The following PTPRD variants were observed in gnomAD, a reference collection of about 807,000 sequenced individuals.
The protein encoded by PTPRD is protein tyrosine phosphatase receptor type D.
In PTPRD, 34 loss-of-function variants were observed where a neutral mutation model predicts 214.5. The observed-to-expected ratio is 0.16, with a 90% confidence interval of 0.12 to 0.21. PTPRD has a LOEUF of 0.21. Ranked by LOEUF, PTPRD falls within the 10% of genes least tolerant of loss-of-function variation. The pLI is 1.00. For missense variants in PTPRD, 2,545 were observed against 2,398.7 expected (o/e 1.06, Z -1.27); for synonymous variants, 1,128 against 845.7 (o/e 1.33, Z -5.79).
At chr9:9,376,432 A>G (rs2060821919) in intron 9 of PTPRD, among the ~76,000 whole-genome samples, 1 of 152,132 alleles carries the variant, frequency 6.6e-6, no homozygotes, top group African/African-American at 2.4e-5. Context: ...TACAACATGC[A>G]TGCAATTATT....
At chr9:9,747,896 C>A (rs573141487) in intron 6 of PTPRD, among the ~76,000 whole-genome samples, 1 of 152,092 alleles carries the variant, frequency 6.6e-6, no homozygotes, top group African/African-American at 2.4e-5. Context: ...GCAGTATGGC[C>A]GGAATGTTTC....
At chr9:10,338,061 A>G (rs1323494) in intron 3 of PTPRD, among the ~76,000 whole-genome samples, 150,135 of 151,654 alleles carry the variant, frequency 0.99, 74,326 homozygotes, top group East Asian at 1. Flanking sequence ...AAGTTTATTC[A>G]TATCATATGA....
chr9:9,315,035 T>C (rs1273820141), intron 9 of PTPRD, among the ~76,000 whole-genome samples: 1 of 152,054 alleles, frequency 6.6e-6, no homozygotes, highest in African/African-American at 2.4e-5. Context: ...ACCTAGATTT[T>C]ATTTATTTTT....
intron 2 of PTPRD, among the ~76,000 whole-genome samples, chr9:10,457,759 T>G (rs960693420): frequency 6.6e-6 from 1 of 152,094 alleles, no homozygotes; most frequent in Non-Finnish European, 1.5e-5. Context: ...TGTCAGTCAA[T>G]AGAAATGTTG....
chr9:10,278,860 C>G (rs1014603495), intron 3 of PTPRD, among the ~76,000 whole-genome samples: 1 of 151,924 alleles, frequency 6.6e-6, no homozygotes, highest in Non-Finnish European at 1.5e-5. Flanking sequence ...CTGCAAGCTC[C>G]GTCTCCTTGG....
At chr9:9,070,567 C>T (rs531101484) in intron 10 of PTPRD, among the ~76,000 whole-genome samples, 21 of 152,058 alleles carry the variant, frequency 1.4e-4, no homozygotes, top group Non-Finnish European at 2.4e-4. Context: ...ACCCATAAGG[C>T]TCTATACAGT....
chr9:8,558,037 C>T lies in PTPRD; in HGVS notation c.353-29258G>A, dbSNP rs138891727. Among the ~76,000 whole-genome samples, 44 of 152,158 alleles carry T rather than the reference C, an allele frequency of 2.9e-4. No individual in the cohort carries two copies. In the East Asian group the frequency reaches 3.9e-3, roughly 13 times the overall value. ...TATGTAACTAATTAATCTATTATTT[C>T]TGCTACAATAAGTGAGCCTTTGATT... On this transcript the variant is annotated intron_variant, in intron 14 of 45. Coordinates refer to ENST00000381196, the MANE Select transcript of PTPRD (RefSeq NM_002839.4).
chr9:10,587,876 T>C (rs926751537), intron 2 of PTPRD, among the ~76,000 whole-genome samples: 2 of 151,916 alleles, frequency 1.3e-5, no homozygotes, highest in South Asian at 2.1e-4. Flanking sequence ...GGACAACTCA[T>C]GGAAAGCTGA....
At chr9:8,472,530 A>G (rs2096673967) in intron 30 of PTPRD, among the ~76,000 whole-genome samples, 2 of 152,214 alleles carry the variant, frequency 1.3e-5, no homozygotes, top group African/African-American at 4.8e-5. Flanking sequence ...CATGGTATCC[A>G]CTAGCCCCTG....
Position 8,315,958 on chromosome 9 carries a change from T to C in PTPRD, c.*1916A>G, listed in dbSNP as rs543549504. On this transcript the variant is annotated 3_prime_UTR_variant, in exon 46 of 46. Transcript: ENST00000381196. ...AAGATACATATATATATATAGTTTA[T>C]TTCCCCTTTTAGAAAAATCCTAATG... The C allele has an allele frequency of 3.1e-5, 7 of 226,672 alleles. No homozygotes were observed. The highest frequency in any genetic ancestry group is 1.1e-4 in the Admixed American group (2 of 17,536). The allele number at this position is 226,672 out of a possible 1,614,324, so 14.0% of individuals were successfully genotyped here. A position where few individuals can be genotyped will look rare whatever the true frequency, so the allele number is the denominator to read the frequency against.
At chr9:10,539,334 G>A (rs1443071048) in intron 2 of PTPRD, among the ~76,000 whole-genome samples, 9 of 152,042 alleles carry the variant, frequency 5.9e-5, no homozygotes, top group Admixed American at 1.3e-4. Flanking sequence ...ACAGGCGACC[G>A]CCATCATGCC....
chr9:10,288,500 A>C (rs914070961), intron 3 of PTPRD, among the ~76,000 whole-genome samples: 3 of 152,240 alleles, frequency 2.0e-5, no homozygotes, highest in Admixed American at 6.5e-5. Context: ...ACTCACTTAT[A>C]GGTCAAGTAT....
At chr9:10,300,057 A>G (rs1444762564) in intron 3 of PTPRD, among the ~76,000 whole-genome samples, 1 of 152,194 alleles carries the variant, frequency 6.6e-6, no homozygotes, top group Admixed American at 6.5e-5. Context: ...AATAATTCCC[A>G]TTTTAAAAGT....
At chr9:9,635,529 G>C (rs78176515) in intron 7 of PTPRD, among the ~76,000 whole-genome samples, 19 of 152,256 alleles carry the variant, frequency 1.2e-4, no homozygotes, top group African/African-American at 3.4e-4. Context: ...TGAGCTGTGT[G>C]GGTTATGCTT....
At chr9:10,176,344 G>A (rs965013882) in intron 3 of PTPRD, among the ~76,000 whole-genome samples, 1 of 151,176 alleles carries the variant, frequency 6.6e-6, no homozygotes, top group Admixed American at 6.6e-5. Context: ...AAAAAGCTAG[G>A]CATTTTAAAA....
chr9:9,820,586 A>T (rs1447479658), intron 5 of PTPRD, among the ~76,000 whole-genome samples: 2 of 152,056 alleles, frequency 1.3e-5, no homozygotes, highest in Non-Finnish European at 2.9e-5. Flanking sequence ...GGCATTTCCT[A>T]GGTTTTCTTC....
At position 10,114,512 on chromosome 9, in the gene PTPRD, A is replaced by G. The variant is rs148495363; in HGVS notation, c.-544-80722T>C. On this transcript the variant is annotated intron_variant, in intron 3 of 45. Coordinates refer to ENST00000381196, the MANE Select transcript of PTPRD (RefSeq NM_002839.4). ...TCACTCTCTCTCTCATTCTCTCTTC[A>G]TATATGTGAATTTTATTCTCATAAA... is the stretch of plus-strand genomic sequence containing the variant. Among the ~76,000 whole-genome samples the G allele has an allele frequency of 2.4e-3, 370 of 152,122 alleles. 1 individual carries two copies. The highest frequency in any genetic ancestry group is 8.3e-3 in the African/African-American group (344 of 41,508).
chr9:10,219,319 T>C (rs1419478889), intron 3 of PTPRD, among the ~76,000 whole-genome samples: 1 of 151,950 alleles, frequency 6.6e-6, no homozygotes. Flanking sequence ...CATTAGATTA[T>C]GAATTCTTAT....
chr9:9,911,815 A>T (rs551005723), intron 5 of PTPRD, among the ~76,000 whole-genome samples: 21 of 152,222 alleles, frequency 1.4e-4, no homozygotes, highest in African/African-American at 4.6e-4. Context: ...AATTCATTTT[A>T]AAAATTTTCC....
Sources: gnomAD v4.1 joint callset for allele counts (sites outside exome capture counted in the v4.1 genomes callset) on GRCh38, gnomAD v4.1.1 for gene constraint, MANE v1.5 for transcripts, NCBI Gene and HGNC (gene_info 2026-07-23, HGNC 2026-07-21) for gene names.